KIAA1217: variants seen among roughly 807,000 people sequenced by gnomAD.
KIAA1217 encodes sickle tail protein homolog.
Under a neutral mutation model 163.9 loss-of-function variants are expected in KIAA1217, and 88 were observed. The observed-to-expected ratio is 0.54, with a 90% CI of 0.45 to 0.64. KIAA1217 has a LOEUF of 0.64. Ranked by LOEUF, KIAA1217 falls within the 30% of genes least tolerant of loss-of-function variation. KIAA1217 has a pLI of 0.00. For synonymous variants in KIAA1217, 903 were observed against 923.1 expected (o/e 0.98, Z 0.39); for missense variants, 2,372 against 2,475.0 (o/e 0.96, Z 0.88).
At chr10:24,080,818 G>GTT (rs2061514382) in intron 2 of KIAA1217, among the ~76,000 whole-genome samples, 2 of 144,216 alleles carry the variant, frequency 1.4e-5, no homozygotes, top group Admixed American at 1.3e-4. Flanking sequence ...AGTTTAGTAA[G>GTT]TGTTTTTTCA....
intron 1 of KIAA1217, among the ~76,000 whole-genome samples, chr10:23,890,915 T>G (rs888844057): frequency 5.3e-5 from 8 of 151,976 alleles, no homozygotes; most frequent in Admixed American, 2.6e-4. Flanking sequence ...ATTTTGGAGT[T>G]TTGTTATTAG....
At chr10:23,959,337 C>T (rs145035493) in intron 1 of KIAA1217, among the ~76,000 whole-genome samples, 1 of 152,050 alleles carries the variant, frequency 6.6e-6, no homozygotes, top group African/African-American at 2.4e-5. Flanking sequence ...CGAGACCAGC[C>T]TGGGCAACAT....
intron 2 of KIAA1217, among the ~76,000 whole-genome samples, chr10:24,378,562 C>A (rs1421597183): frequency 1.3e-5 from 2 of 152,142 alleles, no homozygotes; most frequent in African/African-American, 2.4e-5. Context: ...ACATGCTTGA[C>A]GAGCTCAAGA....
chr10:24,428,599 G>A (rs2059355091), intron 3 of KIAA1217, among the ~76,000 whole-genome samples: 1 of 152,088 alleles, frequency 6.6e-6, no homozygotes, highest in Non-Finnish European at 1.5e-5. Flanking sequence ...ACCCACAAAT[G>A]AGACATTCCT....
chr10:23,910,808 G>A (rs1331640431), intron 1 of KIAA1217, among the ~76,000 whole-genome samples: 1 of 152,136 alleles, frequency 6.6e-6, no homozygotes, highest in Non-Finnish European at 1.5e-5. Context: ...GGCCAAGAGG[G>A]AAATCAAACC....
chr10:24,446,095 T>A (rs1199557201), intron 5 of KIAA1217, among the ~76,000 whole-genome samples: 1 of 152,224 alleles, frequency 6.6e-6, no homozygotes, highest in African/African-American at 2.4e-5. Context: ...AGATGGTATC[T>A]GATTGTGGTT....
intron 1 of KIAA1217, among the ~76,000 whole-genome samples, chr10:24,006,770 G>T (rs1028467604): frequency 6.6e-6 from 1 of 152,158 alleles, no homozygotes; most frequent in South Asian, 2.1e-4. Context: ...AGGGAACCAG[G>T]CATCTCTGTG....
At chr10:24,252,415 A>G (rs1278309329) in intron 2 of KIAA1217, among the ~76,000 whole-genome samples, 1 of 151,944 alleles carries the variant, frequency 6.6e-6, no homozygotes, top group East Asian at 1.9e-4. Flanking sequence ...CTGTCCCTAC[A>G]AAAAATAAAA....
intron 1 of KIAA1217, among the ~76,000 whole-genome samples, chr10:23,903,063 A>C (rs1386192063): frequency 6.6e-6 from 1 of 152,046 alleles, no homozygotes; most frequent in Non-Finnish European, 1.5e-5. Context: ...TGTGTGTAGG[A>C]AAGTTAGGTC....
intron 2 of KIAA1217, among the ~76,000 whole-genome samples, chr10:24,049,707 T>C (rs1050152084): frequency 1.3e-5 from 2 of 152,214 alleles, no homozygotes; most frequent in Non-Finnish European, 1.5e-5. Context: ...CAGTCTATCA[T>C]TGATGGACAT....
chr10:23,849,170 T>A (rs1432032354), intron 1 of KIAA1217, among the ~76,000 whole-genome samples: 1 of 152,106 alleles, frequency 6.6e-6, no homozygotes, highest in East Asian at 1.9e-4. Context: ...ATAAATGAAG[T>A]AGATTTTGCT....
intron 2 of KIAA1217, among the ~76,000 whole-genome samples, chr10:24,199,291 A>C (rs2067137592): frequency 6.6e-6 from 1 of 152,246 alleles, no homozygotes; most frequent in South Asian, 2.1e-4. Context: ...TATATTTACT[A>C]TACAGGATGT....
At chr10:24,538,022 A>G (rs2074287169) in intron 17 of KIAA1217, among the ~76,000 whole-genome samples, 1 of 152,244 alleles carries the variant, frequency 6.6e-6, no homozygotes. Flanking sequence ...CCAGGGACTT[A>G]TCTTTCAGAA....
At chr10:24,389,912 A>C (rs1591536012) in intron 3 of KIAA1217, among the ~76,000 whole-genome samples, 1 of 151,848 alleles carries the variant, frequency 6.6e-6, no homozygotes, top group East Asian at 1.9e-4. Flanking sequence ...GCAGGCATCC[A>C]TCTCTAGTAC....
chr10:24,412,838 T>G (rs1427217433), intron 3 of KIAA1217, among the ~76,000 whole-genome samples: 1 of 152,182 alleles, frequency 6.6e-6, no homozygotes, highest in Admixed American at 6.5e-5. Flanking sequence ...AGATTAATAG[T>G]TCAGATCATC....
chr10:24,251,933 C>A (rs1380698020), intron 2 of KIAA1217, among the ~76,000 whole-genome samples: 1 of 150,210 alleles, frequency 6.7e-6, no homozygotes, highest in Non-Finnish European at 1.5e-5. Flanking sequence ...AGATCAGAGG[C>A]AGTGTGTGAG....
chr10:23,964,756 C>T (rs997629989), intron 1 of KIAA1217, among the ~76,000 whole-genome samples: 3 of 152,036 alleles, frequency 2.0e-5, no homozygotes, highest in African/African-American at 7.2e-5. Context: ...GGGGTTTCAC[C>T]TTGTTGGCCA....
intron 5 of KIAA1217, among the ~76,000 whole-genome samples, chr10:24,464,648 G>A (rs1258169064): frequency 1.3e-5 from 2 of 152,086 alleles, no homozygotes; most frequent in Non-Finnish European, 2.9e-5. Flanking sequence ...AGCATGCCCA[G>A]CTAAGTTTTT....
At chr10:23,785,758 C>G (rs1835464407) in intron 1 of KIAA1217, among the ~76,000 whole-genome samples, 1 of 151,814 alleles carries the variant, frequency 6.6e-6, no homozygotes, top group South Asian at 2.1e-4. Flanking sequence ...TTTTTCTATC[C>G]TTAGCACTCA....
Sources: allele counts gnomAD v4.1 joint callset (sites outside exome capture counted in the v4.1 genomes callset), GRCh38; gene constraint gnomAD v4.1.1; transcripts MANE v1.5; gene names NCBI Gene and HGNC (gene_info 2026-07-23, HGNC 2026-07-21).